The following TAF5 variants were observed in gnomAD, a reference collection of about 807,000 sequenced individuals.
TAF5 encodes transcription initiation factor TFIID subunit 5.
A neutral mutation model predicts 80.9 loss-of-function variants in TAF5; 20 were observed. That is an observed-to-expected ratio of 0.25 (90% CI 0.17 to 0.36). The LOEUF (loss-of-function observed/expected upper bound fraction) is 0.36. Among genes scored for constraint, TAF5 ranks in the 10% least tolerant of loss-of-function variants. The pLI, the probability that TAF5 is intolerant of heterozygous loss-of-function variation, is 1.00. For missense variants in TAF5, 863 were observed against 1,029.4 expected, an observed-to-expected ratio of 0.84 and a Z score of 2.21; for synonymous variants, 388 against 406.4, an observed-to-expected ratio of 0.95 and a Z score of 0.55.
chr10:103,373,429 C>A lies in TAF5; in HGVS notation c.631C>A (p.Pro211Thr), dbSNP rs1420558292. Residue 211 changes from proline (P) to threonine (T), a missense_variant, in exon 2 of 11, where the codon CCC (proline) becomes ACC (threonine). Physicochemically the swap from Pro to Thr is conservative, Grantham distance 38 (BLOSUM62 -1). Transcript: ENST00000369839. The part of the protein sequence containing the change: ...VLSAYNQQGD[P>T]TMYEEYYSGL... ...GTCAGCCTACAACCAACAAGGAGAT[C>A]CCACAATGTATGAAGAATACTATAG... The A allele has an allele frequency of 1.2e-6, 2 of 1,614,012 alleles. No individual in the cohort carries two copies. Among genetic ancestry groups the A allele is most frequent in the Non-Finnish European group, 1.7e-6 (2 of 1,180,040 alleles).
chr10:103,381,040 C>G (rs2093381679), intron 5 of TAF5, among the ~76,000 whole-genome samples: 1 of 151,796 alleles, frequency 6.6e-6, no homozygotes, highest in Admixed American at 6.6e-5. Context: ...ACCTCCGCCT[C>G]CCAGTTCAAG....
intron 2 of TAF5, 31 bp downstream of exon 2, chr10:103,373,626 A>G (rs764452261): frequency 8.0e-6 from 12 of 1,499,162 alleles, no homozygotes; most frequent in Admixed American, 1.7e-5. Context: ...ATATATATAC[A>G]CACATACGTA....
chr10:103,377,119 T>G (rs1364312980), intron 2 of TAF5, among the ~76,000 whole-genome samples: 1 of 152,152 alleles, frequency 6.6e-6, no homozygotes, highest in African/African-American at 2.4e-5. Flanking sequence ...CACTCCAGCT[T>G]AGGCTTCAGA....
chr10:103,373,133 G>T (rs2093363310), intron 1 of TAF5, among the ~76,000 whole-genome samples: 2 of 151,536 alleles, frequency 1.3e-5, no homozygotes, highest in African/African-American at 4.9e-5. Flanking sequence ...CGAGGTGGAG[G>T]TTGCAGTGAG....
intron 8 of TAF5, 55 bp from the exon 9 acceptor site, chr10:103,387,120 C>T (rs1009517028): frequency 9.3e-6 from 14 of 1,511,348 alleles, no homozygotes; most frequent in Admixed American, 2.0e-5. Context: ...AGATTTTTGG[C>T]GTTTCACAGC....
intron 1 of TAF5, 66 bp downstream of exon 1, chr10:103,368,614 T>C (rs952397762): frequency 1.4e-6 from 2 of 1,426,782 alleles, no homozygotes; most frequent in African/African-American, 3.0e-5. Context: ...AGGCAGGGGC[T>C]GGCAGGCCTG....
At position 103,378,033 on chromosome 10, in the gene TAF5, T is replaced by A. The variant is rs1476234477; in HGVS notation, c.798-202T>A. ...TTTGTGATACATTTCATTAGAGAAT[T>A]ACATTTGTTCATTTTTAGAATAAAT... On this transcript the variant is annotated intron_variant, in intron 2 of 10. Transcript: ENST00000369839. The surrounding 1 kb of genome is among the most constrained non-coding windows in gnomAD (Gnocchi z 4.1). Among the ~76,000 whole-genome samples the A allele has an allele frequency of 2.6e-5, 4 of 152,346 alleles. No homozygotes were observed. The East Asian group carries it at 7.7e-4, about 29-fold the overall frequency.
At position 103,381,729 on chromosome 10, in the gene TAF5, T is replaced by C. The variant is rs2093383331; in HGVS notation, c.1422T>C (p.Thr474=). Residue 474 remains threonine (T), a synonymous_variant, in exon 6 of 11, where the codon ACT becomes ACC. Transcript: ENST00000369839. ...YTFLNAYQGL[T]AVDVTDDSSL... is the part of the protein sequence containing the mutation. ...AACCCTTTTATTGGCAGGGTCTCACTGCAGTGGATGTCACTGATGATTCTA... is the reference window on the plus strand; with the variant it reads ...AACCCTTTTATTGGCAGGGTCTCACCGCAGTGGATGTCACTGATGATTCTA... The C allele has an allele frequency of 1.2e-6, 2 of 1,614,102 alleles. No homozygotes were observed. The highest frequency in any genetic ancestry group is 8.5e-7 in the Non-Finnish European group (1 of 1,180,038).
rs903491385 is a variant in TAF5, at chr10:103,378,615, A to G, written c.1113+65A>G. The G allele has an allele frequency of 2.3e-5, 34 of 1,482,180 alleles. No individual in the cohort carries two copies. Among genetic ancestry groups the G allele is most frequent in the Non-Finnish European group, 3.1e-5 (34 of 1,106,622 alleles). The allele number at this position is 1,482,180 out of a possible 1,614,324, so 91.8% of individuals were successfully genotyped here. On this transcript the variant is annotated intron_variant, in intron 3 of 10. Transcript: ENST00000369839. The surrounding 1 kb of genome is among the most constrained non-coding windows in gnomAD (Gnocchi z 4.1). Reference sequence around the variant, plus strand: ...GAAAAATTGTAGCATTTCCATCTACATAAGTTACACATTTTTCTTATAGCT... The same window carrying G: ...GAAAAATTGTAGCATTTCCATCTACGTAAGTTACACATTTTTCTTATAGCT...
chr10:103,375,161 T>A (rs1242030670), intron 2 of TAF5, among the ~76,000 whole-genome samples: 1 of 151,836 alleles, frequency 6.6e-6, no homozygotes, highest in Non-Finnish European at 1.5e-5. Context: ...GGAGGCATTT[T>A]TGGTTGTCAT....
At position 103,388,616 on chromosome 10, in the gene TAF5, C is replaced by T; in HGVS notation, c.*393C>T. On this transcript the variant is annotated 3_prime_UTR_variant, in exon 11 of 11. Transcript: ENST00000369839. ...AATTTTAGCTGAAGAATCCTATGAG[C>T]ATGTATGTTTCTGCTGTAAAAACGT... is the stretch of plus-strand genomic sequence containing the variant. 1 of 164,980 alleles carries T rather than the reference C, an allele frequency of 6.1e-6. No individual in the cohort carries two copies. The highest frequency in any genetic ancestry group is 1.3e-5 in the Non-Finnish European group (1 of 75,588). 10.2% of individuals were successfully genotyped at this position (164,980 alleles called of 1,614,324 possible). A position where few individuals can be genotyped will look rare whatever the true frequency, so the allele number is the denominator to read the frequency against.
Position 103,379,652 on chromosome 10 carries a change from G to A in TAF5, c.1158G>A (p.Leu386=), listed in dbSNP as rs150444838. The part of the protein sequence containing the change: ...LLKEPEIEVP[L]DDEDEEGENE... The stretch of plus-strand genomic sequence containing the variant: ...AAGAACCAGAAATTGAGGTACCTTT[G>A]GATGACGAGGATGAAGAGGGAGAAA... Residue 386 remains leucine, a synonymous_variant, in exon 4 of 11, where the codon TTG becomes TTA. Transcript: ENST00000369839. 10 of 1,603,124 alleles carry A rather than the reference G, an allele frequency of 6.2e-6. No individual in the cohort carries two copies. In the African/African-American group the frequency reaches 1.4e-4, roughly 22 times the overall value.
rs202244400 is a variant in TAF5 at position 103,379,941 on chromosome 10, A to G, written c.1335A>G (p.Lys445=). The change falls in exon 5 of 11, where the codon AAA becomes AAG. Residue 445 remains lysine, a synonymous_variant. Coordinates refer to ENST00000369839, the MANE Select transcript of TAF5 (RefSeq NM_006951.5). ...AGTTGGATAAGATAATGAATATGAAAGAAACCACCAAACGAGTGCGCCTTG... is the reference window on the plus strand; with the variant it reads ...AGTTGGATAAGATAATGAATATGAAGGAAACCACCAAACGAGTGCGCCTTG... ...SDKLDKIMNM[K]ETTKRVRLGP... 1.3e-5 allele frequency: 21 copies of G among 1,614,152 alleles called. No individual in the cohort carries two copies. Among genetic ancestry groups the G allele is most frequent in the Admixed American group, 6.7e-5 (4 of 60,014 alleles).
At position 103,374,951 on chromosome 10, in the gene TAF5, C is replaced by G. The variant is rs1012939177; in HGVS notation, c.797+1356C>G. Among the ~76,000 whole-genome samples the G allele has an allele frequency of 6.6e-6, 1 of 151,738 alleles. No individual in the cohort carries two copies. The highest frequency in any genetic ancestry group is 6.6e-5 in the Admixed American group (1 of 15,218). On this transcript the variant is annotated intron_variant, in intron 2 of 10. Coordinates refer to ENST00000369839, the MANE Select transcript of TAF5 (RefSeq NM_006951.5). This position sits in a 1 kb window ranked among gnomAD's most constrained non-coding sequence, Gnocchi z 4.3. ...AGACCAGCCTGGTGAGACCTAGTCTCTTCAAAAAAATGCAAAAATTAGCTG... is the reference window on the plus strand; with the variant it reads ...AGACCAGCCTGGTGAGACCTAGTCTGTTCAAAAAAATGCAAAAATTAGCTG...
chr10:103,368,436 C>G lies in TAF5; in HGVS notation c.447C>G (p.Ser149Arg), dbSNP rs1383334236. The G allele has an allele frequency of 6.3e-7, 1 of 1,580,538 alleles. No homozygotes were observed. Among genetic ancestry groups the G allele is most frequent in the Non-Finnish European group, 8.5e-7 (1 of 1,172,710 alleles). Residue 149 changes from serine to arginine, a missense_variant, in exon 1 of 11, where the codon AGC becomes AGG. Ser to Arg is a moderately radical substitution (Grantham distance 110). This residue lies in a region of TAF5 where 367 missense variants were observed against 335.5 expected (regional missense o/e 1.09). Transcript: ENST00000369839. ...CTGAGGTGACCAGCGCGCTTCTCAGCCGGGTGACCGCCTCGGCCCCTGGCC... is the reference window on the plus strand; with the variant it reads ...CTGAGGTGACCAGCGCGCTTCTCAGGCGGGTGACCGCCTCGGCCCCTGGCC... ...AGAEVTSALL[S>R]RVTASAPGPA...
At chr10:103,370,779 A>C (rs2093357810) in intron 1 of TAF5, among the ~76,000 whole-genome samples, 1 of 152,220 alleles carries the variant, frequency 6.6e-6, no homozygotes, top group Non-Finnish European at 1.5e-5. Flanking sequence ...TAAGGTATCA[A>C]AGGTGATCCT....
At chr10:103,383,206 TA>T (rs1383855476) in intron 6 of TAF5, 31 bp from the exon 7 acceptor site, 1 of 1,522,950 alleles carries the variant, frequency 6.6e-7, no homozygotes, top group African/African-American at 1.4e-5. Flanking sequence ...TGAATGTACT[TA>T]TAAAATATCA....
intron 7 of TAF5, among the ~76,000 whole-genome samples, chr10:103,384,864 T>C (rs1267389129): frequency 1.3e-5 from 2 of 152,182 alleles, no homozygotes; most frequent in African/African-American, 4.8e-5. Context: ...TTTTTTTTTC[T>C]TTTTCTTCAA....
chr10:103,388,138 A>C lies in TAF5; in HGVS notation c.2318A>C (p.Tyr773Ser). The change falls in exon 11 of 11, where the codon TAT becomes TCT. Residue 773 changes from tyrosine to serine, a missense_variant. This residue lies in a region of TAF5 where 368 missense variants were observed against 461.7 expected (regional missense o/e 0.80). Coordinates refer to ENST00000369839, the MANE Select transcript of TAF5 (RefSeq NM_006951.5). Reference sequence around the variant, plus strand: ...TCACAGGAGTTATTGTTGGGAACATATATGACCAAATCAACACCAGTTGTA... The same window carrying C: ...TCACAGGAGTTATTGTTGGGAACATCTATGACCAAATCAACACCAGTTGTA... ...ENSQELLLGT[Y>S]MTKSTPVVHL... is the part of the protein sequence containing the mutation. 6.2e-7 allele frequency: 1 copy of C among 1,614,128 alleles called. No individual in the cohort carries two copies. Among genetic ancestry groups the C allele is most frequent in the Non-Finnish European group, 8.5e-7 (1 of 1,179,988 alleles).
Sources: allele counts gnomAD v4.1 joint callset (sites outside exome capture counted in the v4.1 genomes callset), GRCh38; gene constraint gnomAD v4.1.1; regional missense constraint gnomAD v4.1.1; non-coding constraint Gnocchi (gnomAD v3.1); transcripts MANE v1.5; gene names NCBI Gene and HGNC (gene_info 2026-07-23, HGNC 2026-07-21).